The following HPSE2 variants were observed in gnomAD, a reference collection of about 807,000 sequenced individuals.
The protein encoded by HPSE2 is heparanase 2 (inactive).
A neutral mutation model predicts 60.5 loss-of-function variants in HPSE2; 38 were observed. The ratio of observed to expected loss-of-function variants is 0.63; its 90% confidence interval spans 0.48 to 0.82. The LOEUF (loss-of-function observed/expected upper bound fraction) is 0.82. HPSE2 is among the 40% of genes least tolerant of loss of function. HPSE2 has a pLI of 0.00. For synonymous variants in HPSE2, 295 were observed against 293.2 expected (o/e 1.01, Z -0.06); for missense variants, 713 against 740.4 (o/e 0.96, Z 0.43).
chr10:98,972,998 G>A (rs1016277236), intron 3 of HPSE2, among the ~76,000 whole-genome samples: 8 of 152,114 alleles, frequency 5.3e-5, no homozygotes, highest in African/African-American at 1.9e-4. Context: ...ATTGATTCCT[G>A]AGTCATGTAT....
At chr10:99,234,416 A>G (rs1222675335) in intron 1 of HPSE2, among the ~76,000 whole-genome samples, 1 of 152,238 alleles carries the variant, frequency 6.6e-6, no homozygotes. Flanking sequence ...AAGGACGCAC[A>G]ACGGACCTGG....
At chr10:98,871,568 AATT>A (rs932610433) in intron 3 of HPSE2, among the ~76,000 whole-genome samples, 4 of 152,052 alleles carry the variant, frequency 2.6e-5, no homozygotes, top group East Asian at 1.9e-4. Flanking sequence ...TATGTTACAG[AATT>A]ATATTTTATT....
chr10:98,770,918 GGTGATGGC>G (rs2134419467), intron 3 of HPSE2, among the ~76,000 whole-genome samples: 1 of 152,228 alleles, frequency 6.6e-6, no homozygotes, highest in South Asian at 2.1e-4. Context: ...CCTGACAAAA[GGTGATGGC>G]TCATTTACTA....
chr10:98,996,361 A>C (rs1956642124), intron 3 of HPSE2, among the ~76,000 whole-genome samples: 1 of 152,226 alleles, frequency 6.6e-6, no homozygotes, highest in South Asian at 2.1e-4. Context: ...GGGGATATGG[A>C]GCAACCAGAA....
At chr10:99,094,896 A>G (rs1243632581) in intron 3 of HPSE2, among the ~76,000 whole-genome samples, 4 of 151,960 alleles carry the variant, frequency 2.6e-5, no homozygotes, top group Non-Finnish European at 4.4e-5. Flanking sequence ...TCCGCTTTAG[A>G]AAAGTTTGGA....
chr10:98,520,946 G>C (rs1942771786), intron 9 of HPSE2, among the ~76,000 whole-genome samples: 1 of 152,172 alleles, frequency 6.6e-6, no homozygotes, highest in African/African-American at 2.4e-5. Flanking sequence ...TAGGTAGAAA[G>C]CTGAAACTGA....
At chr10:98,799,426 A>G (rs556922097) in intron 3 of HPSE2, among the ~76,000 whole-genome samples, 2 of 152,324 alleles carry the variant, frequency 1.3e-5, no homozygotes, top group African/African-American at 2.4e-5. Context: ...TCTGCGCTAT[A>G]GAACAAATGG....
chr10:98,857,750 G>C (rs192740420), intron 3 of HPSE2, among the ~76,000 whole-genome samples: 1 of 152,110 alleles, frequency 6.6e-6, no homozygotes, highest in East Asian at 1.9e-4. Flanking sequence ...CCAAGGACTT[G>C]ATTGAAGACA....
intron 3 of HPSE2, among the ~76,000 whole-genome samples, chr10:99,065,771 A>T (rs996254822): frequency 6.6e-6 from 1 of 152,200 alleles, no homozygotes; most frequent in African/African-American, 2.4e-5. Flanking sequence ...ATGAAAAATG[A>T]TTTATTGATA....
At chr10:99,164,230 TATATA>T (rs1846967161) in intron 2 of HPSE2, among the ~76,000 whole-genome samples, 9 of 486 alleles carry the variant, frequency 0.019, no homozygotes, top group East Asian at 0.091. Flanking sequence ...TCAAGCATTA[TATATA>T]TATATATATA....
intron 5 of HPSE2, among the ~76,000 whole-genome samples, chr10:98,716,371 G>A (rs1313277710): frequency 3.3e-5 from 5 of 151,494 alleles, no homozygotes; most frequent in Non-Finnish European, 7.4e-5. Context: ...CACCAGCATG[G>A]CACATGTATA....
chr10:98,663,920 G>A (rs1342115130), intron 6 of HPSE2, among the ~76,000 whole-genome samples: 2 of 152,146 alleles, frequency 1.3e-5, no homozygotes, highest in African/African-American at 2.4e-5. Context: ...CTTCCAGCAC[G>A]GTGACCTTGC....
chr10:98,635,517 A>G (rs1034464437), intron 7 of HPSE2, among the ~76,000 whole-genome samples: 23 of 152,232 alleles, frequency 1.5e-4, no homozygotes, highest in African/African-American at 5.1e-4. Flanking sequence ...GTGGTGGCTT[A>G]GGTATGTAAT....
chr10:98,567,748 G>GGTGT (rs57706769), intron 9 of HPSE2, among the ~76,000 whole-genome samples: 6 of 151,202 alleles, frequency 4.0e-5, no homozygotes, highest in African/African-American at 1.2e-4. Flanking sequence ...ACAAATGGAT[G>GGTGT]GTGTGTGTGT....
chr10:99,012,812 C>T (rs1957047562), intron 3 of HPSE2, among the ~76,000 whole-genome samples: 1 of 152,112 alleles, frequency 6.6e-6, no homozygotes, highest in South Asian at 2.1e-4. Context: ...AAAATGTCTT[C>T]CTCTCCCTTT....
chr10:98,881,310 C>T (rs1347455270), intron 3 of HPSE2, among the ~76,000 whole-genome samples: 2 of 152,060 alleles, frequency 1.3e-5, no homozygotes, highest in Admixed American at 6.6e-5. Flanking sequence ...TTCCTTCCTA[C>T]ACTGGCAATA....
chr10:98,628,700 T>C (rs980715851), intron 7 of HPSE2, among the ~76,000 whole-genome samples: 3 of 152,164 alleles, frequency 2.0e-5, no homozygotes, highest in African/African-American at 7.2e-5. Flanking sequence ...GGCCAGTGGC[T>C]GCTCTGAATC....
intron 9 of HPSE2, among the ~76,000 whole-genome samples, chr10:98,540,573 G>C (rs1943427755): frequency 6.6e-6 from 1 of 152,256 alleles, no homozygotes; most frequent in African/African-American, 2.4e-5. Flanking sequence ...TTGAAAAACA[G>C]ACTACATTGA....
chr10:99,043,285 C>T (rs1411618392), intron 3 of HPSE2, among the ~76,000 whole-genome samples: 2 of 152,008 alleles, frequency 1.3e-5, no homozygotes, highest in African/African-American at 4.8e-5. Context: ...GAGATCGAGA[C>T]CATCCTGGCT....
Sources: allele counts gnomAD v4.1 joint callset (sites outside exome capture counted in the v4.1 genomes callset), GRCh38; gene constraint gnomAD v4.1.1; transcripts MANE v1.5; gene names NCBI Gene and HGNC (gene_info 2026-07-23, HGNC 2026-07-21).